CCDC102B: variants seen among roughly 807,000 people sequenced by gnomAD.
The protein encoded by CCDC102B is coiled-coil domain-containing protein 102B.
Under a neutral mutation model 57.4 loss-of-function variants are expected in CCDC102B, and 75 were observed. The observed-to-expected ratio is 1.31, with a 90% confidence interval of 1.08 to 1.58. CCDC102B has a LOEUF of 1.58. Ranked by LOEUF, CCDC102B falls within the 40% of genes most tolerant of loss-of-function variation. The pLI is 0.00. For missense variants in CCDC102B, 636 were observed against 582.6 expected (o/e 1.09, Z -0.94); for synonymous variants, 206 against 201.9 (o/e 1.02, Z -0.17).
intron 4 of CCDC102B, among the ~76,000 whole-genome samples, chr18:68,850,112 CA>C (rs2038055466): frequency 6.6e-6 from 1 of 151,908 alleles, no homozygotes; most frequent in African/African-American, 2.4e-5. Flanking sequence ...CTGTATAACC[CA>C]AAAGAAAAAG....
At chr18:69,052,644 T>G (rs536777400) in intron 7 of CCDC102B, among the ~76,000 whole-genome samples, 2 of 151,992 alleles carry the variant, frequency 1.3e-5, no homozygotes, top group Admixed American at 1.3e-4. Context: ...ATAGCTCCAT[T>G]ATAATCTTAT....
At chr18:68,947,786 A>T (rs2049582827) in intron 6 of CCDC102B, among the ~76,000 whole-genome samples, 3 of 152,094 alleles carry the variant, frequency 2.0e-5, no homozygotes, top group African/African-American at 7.2e-5. Context: ...AATTGTGATT[A>T]TTGTAAAAAT....
intron 7 of CCDC102B, among the ~76,000 whole-genome samples, chr18:69,027,462 G>A (rs144330536): frequency 6.6e-6 from 1 of 152,174 alleles, no homozygotes; most frequent in East Asian, 1.9e-4. Context: ...GTCAACATGT[G>A]TACTTTCAGA....
intron 6 of CCDC102B, among the ~76,000 whole-genome samples, chr18:68,977,369 A>T (rs1374166359): frequency 6.6e-6 from 1 of 151,866 alleles, no homozygotes; most frequent in Non-Finnish European, 1.5e-5. Context: ...GCACCCATCA[A>T]CCCACCATTT....
At position 68,724,671 on chromosome 18, in the gene CCDC102B, T is replaced by C. The variant is rs980294567; in HGVS notation, c.-67+8077T>C. On this transcript the variant is annotated intron_variant, in intron 2 of 3. Coordinates refer to the CCDC102B transcript ENST00000578970. ...TTCCGTATCACTATCAGCATTTTGG[T>C]CAAAGCCATTCAACAAATTTCTAGA... Among the ~76,000 whole-genome samples, 8 of 152,226 alleles carry C rather than the reference T, an allele frequency of 5.3e-5. No individual in the cohort carries two copies. In the East Asian group the frequency reaches 1.3e-3, roughly 26 times the overall value.
intron 6 of CCDC102B, among the ~76,000 whole-genome samples, chr18:68,957,723 A>T (rs191486299): frequency 2.6e-5 from 4 of 152,056 alleles, no homozygotes; most frequent in Non-Finnish European, 5.9e-5. Context: ...ACATTTTAAC[A>T]ATATTGATTC....
intron 4 of CCDC102B, among the ~76,000 whole-genome samples, chr18:68,865,803 A>G (rs2038952954): frequency 1.3e-5 from 2 of 152,210 alleles, no homozygotes; most frequent in South Asian, 4.1e-4. Context: ...TCTCTTTATA[A>G]GAATATCAGA....
At chr18:69,027,259 T>C (rs2052017801) in intron 7 of CCDC102B, among the ~76,000 whole-genome samples, 2 of 152,178 alleles carry the variant, frequency 1.3e-5, no homozygotes, top group African/African-American at 4.8e-5. Context: ...GGCAATGGTT[T>C]AGATGACCTC....
chr18:69,006,152 G>A (rs114219331), intron 6 of CCDC102B, among the ~76,000 whole-genome samples: 1 of 151,998 alleles, frequency 6.6e-6, no homozygotes, highest in African/African-American at 2.4e-5. Flanking sequence ...CTTCAAATTA[G>A]GATTCATTTT....
At chr18:68,858,882 C>T (rs577422177) in intron 4 of CCDC102B, 5 of 152,112 alleles carry the variant, frequency 3.3e-5, no homozygotes, top group Non-Finnish European at 7.4e-5. Flanking sequence ...CTTAAAGGGG[C>T]AGAGAAATAA....
At chr18:68,994,581 C>A (rs1231306502) in intron 6 of CCDC102B, among the ~76,000 whole-genome samples, 1 of 150,302 alleles carries the variant, frequency 6.7e-6, no homozygotes, top group African/African-American at 2.5e-5. Context: ...GGAGTGTTTT[C>A]GCCCTTGTGG....
intron 6 of CCDC102B, among the ~76,000 whole-genome samples, chr18:68,915,036 A>G (rs1417360394): frequency 6.6e-6 from 1 of 152,126 alleles, no homozygotes; most frequent in Non-Finnish European, 1.5e-5. Flanking sequence ...GAATGAGGGC[A>G]GCGATTGAGA....
chr18:69,036,682 T>A (rs2086653384), intron 7 of CCDC102B, among the ~76,000 whole-genome samples: 1 of 152,056 alleles, frequency 6.6e-6, no homozygotes, highest in Admixed American at 6.6e-5. Flanking sequence ...ATACCCCTGC[T>A]GCATGGGATT....
At chr18:68,837,793 G>A (rs1307195840) in intron 2 of CCDC102B, among the ~76,000 whole-genome samples, 21 of 152,098 alleles carry the variant, frequency 1.4e-4, no homozygotes. Flanking sequence ...TGGGGGTTAG[G>A]AGACCTAACA....
At chr18:68,978,088 A>G (rs1403963681) in intron 6 of CCDC102B, among the ~76,000 whole-genome samples, 1 of 152,080 alleles carries the variant, frequency 6.6e-6, no homozygotes, top group Non-Finnish European at 1.5e-5. Flanking sequence ...CTACCAACAT[A>G]TAATTAAATG....
intron 6 of CCDC102B, among the ~76,000 whole-genome samples, chr18:68,970,516 G>T (rs929052614): frequency 6.6e-6 from 1 of 150,846 alleles, no homozygotes; most frequent in Non-Finnish European, 1.5e-5. Context: ...TCATTTGATT[G>T]TATTAATTAC....
chr18:69,055,432 C>T (rs2052800206), downstream of CCDC102B, among the ~76,000 whole-genome samples: 1 of 152,032 alleles, frequency 6.6e-6, no homozygotes, highest in African/African-American at 2.4e-5. Context: ...TAACACTCCT[C>T]CTGTGAACTG....
At chr18:68,905,862 C>G (rs1315006790) in intron 6 of CCDC102B, among the ~76,000 whole-genome samples, 1 of 140,428 alleles carries the variant, frequency 7.1e-6, no homozygotes, top group South Asian at 2.3e-4. Flanking sequence ...GGTGCGATCT[C>G]GGCTCACTGC....
intron 2 of CCDC102B, among the ~76,000 whole-genome samples, chr18:68,742,326 C>G (rs896964260): frequency 1.3e-5 from 2 of 152,144 alleles, no homozygotes; most frequent in Non-Finnish European, 2.9e-5. Context: ...CCTATAAGAG[C>G]ACCAGTCATA....
Sources: gnomAD v4.1 joint callset for allele counts (sites outside exome capture counted in the v4.1 genomes callset) on GRCh38, gnomAD v4.1.1 for gene constraint, MANE v1.5 for transcripts, NCBI Gene and HGNC (gene_info 2026-07-23, HGNC 2026-07-21) for gene names.